Variants in CCDC91 observed in about 807,000 individuals in gnomAD.
CCDC91 encodes coiled-coil domain containing 91.
CCDC91 carries 48 observed loss-of-function variants against 63.2 expected under a neutral mutation model. The ratio of observed to expected loss-of-function variants is 0.76; its 90% confidence interval spans 0.60 to 0.97. The LOEUF is 0.97. Among genes scored for constraint, CCDC91 ranks in the 50% least tolerant of loss-of-function variants. CCDC91 has a pLI of 0.00. For missense variants in CCDC91, 500 were observed against 494.6 expected (o/e 1.01, Z -0.10); for synonymous variants, 167 against 165.8 (o/e 1.01, Z -0.06).
At chr12:28,332,634 G>T (rs1463605200) in intron 6 of CCDC91, among the ~76,000 whole-genome samples, 1 of 152,106 alleles carries the variant, frequency 6.6e-6, no homozygotes, top group African/African-American at 2.4e-5. Context: ...AGTATTAGTG[G>T]TCTTAAAATG....
At chr12:28,281,891 G>A (rs1592193791) in intron 3 of CCDC91, among the ~76,000 whole-genome samples, 1 of 152,110 alleles carries the variant, frequency 6.6e-6, no homozygotes, top group African/African-American at 2.4e-5. Context: ...TGGATTTAAT[G>A]TTAACAGTGC....
intron 6 of CCDC91, among the ~76,000 whole-genome samples, chr12:28,346,343 G>A (rs947679466): frequency 5.3e-5 from 8 of 152,104 alleles, no homozygotes; most frequent in African/African-American, 1.4e-4. Context: ...GTTACAGTTC[G>A]GTTTTGGGTT....
At chr12:28,466,422 A>G (rs1174235492) in intron 11 of CCDC91, among the ~76,000 whole-genome samples, 3 of 152,184 alleles carry the variant, frequency 2.0e-5, no homozygotes, top group African/African-American at 4.8e-5. Context: ...TTAATAATCC[A>G]ATTCCCAAAG....
chr12:28,483,668 A>G (rs1451439582), intron 11 of CCDC91, among the ~76,000 whole-genome samples: 1 of 152,144 alleles, frequency 6.6e-6, no homozygotes, highest in Non-Finnish European at 1.5e-5. Context: ...TTAAACGTGA[A>G]TAAAACAGGT....
chr12:28,190,898 G>A (rs925248609), intron 1 of CCDC91, among the ~76,000 whole-genome samples: 3 of 152,182 alleles, frequency 2.0e-5, no homozygotes, highest in Admixed American at 1.3e-4. Flanking sequence ...GTATCTGCAC[G>A]TCCCAGAATC....
intron 8 of CCDC91, among the ~76,000 whole-genome samples, chr12:28,424,838 A>G (rs768917913): frequency 2.0e-5 from 3 of 151,958 alleles, no homozygotes; most frequent in Non-Finnish European, 4.4e-5. Flanking sequence ...TTAGTCAAAG[A>G]TTTACTCTAT....
intron 1 of CCDC91, among the ~76,000 whole-genome samples, chr12:28,228,342 G>T (rs1238763868): frequency 1.3e-5 from 2 of 152,054 alleles, no homozygotes; most frequent in African/African-American, 2.4e-5. Context: ...TTGTTGCATA[G>T]ATATATTGTG....
At chr12:28,370,349 G>A (rs1592458441) in intron 7 of CCDC91, among the ~76,000 whole-genome samples, 1 of 152,256 alleles carries the variant, frequency 6.6e-6, no homozygotes, top group African/African-American at 2.4e-5. Context: ...TCTAGGGCAG[G>A]GGCAAAATGC....
At chr12:28,423,976 TA>T (rs1948161224) in intron 8 of CCDC91, among the ~76,000 whole-genome samples, 1 of 152,184 alleles carries the variant, frequency 6.6e-6, no homozygotes, top group African/African-American at 2.4e-5. Flanking sequence ...GCACTTGAAA[TA>T]AATTGCATAT....
chr12:28,206,740 C>A (rs1942885103), intron 1 of CCDC91, among the ~76,000 whole-genome samples: 1 of 152,184 alleles, frequency 6.6e-6, no homozygotes, highest in African/African-American at 2.4e-5. Flanking sequence ...TTTAGCATGA[C>A]TTTTACAAGA....
chr12:28,422,076 C>T (rs1294401526), intron 8 of CCDC91, among the ~76,000 whole-genome samples: 1 of 152,086 alleles, frequency 6.6e-6, no homozygotes, highest in Non-Finnish European at 1.5e-5. Context: ...CCTGTACTTG[C>T]ATCAATCACT....
intron 8 of CCDC91, among the ~76,000 whole-genome samples, chr12:28,421,816 C>T (rs1276166893): frequency 6.6e-6 from 1 of 152,092 alleles, no homozygotes; most frequent in African/African-American, 2.4e-5. Flanking sequence ...ATCAGCCAAT[C>T]TCCCCCTTTT....
intron 6 of CCDC91, among the ~76,000 whole-genome samples, chr12:28,341,188 G>T (rs1248541642): frequency 6.6e-6 from 1 of 152,130 alleles, no homozygotes; most frequent in African/African-American, 2.4e-5. Context: ...TTGAAATCCA[G>T]CTGCTTGTGT....
chr12:28,306,638 C>T, intron 4 of CCDC91, 104 bp from the exon 5 acceptor site: 1 of 749,186 alleles, frequency 1.3e-6, no homozygotes, highest in Non-Finnish European at 2.1e-6. Flanking sequence ...ACCTTTTCAA[C>T]AACTTAATTT....
intron 12 of CCDC91, among the ~76,000 whole-genome samples, chr12:28,516,034 A>T (rs934666583): frequency 6.6e-6 from 1 of 151,994 alleles, no homozygotes; most frequent in Non-Finnish European, 1.5e-5. Flanking sequence ...CTGGCATTTT[A>T]AGAAGAGAAT....
At chr12:28,253,616 ACT>A (rs1183360565) in intron 1 of CCDC91, among the ~76,000 whole-genome samples, 1 of 151,748 alleles carries the variant, frequency 6.6e-6, no homozygotes, top group Non-Finnish European at 1.5e-5. Flanking sequence ...TTTTCCAGTG[ACT>A]CATTTTCCTT....
intron 11 of CCDC91, among the ~76,000 whole-genome samples, chr12:28,453,861 C>T (rs1949933844): frequency 6.6e-6 from 1 of 151,966 alleles, no homozygotes; most frequent in African/African-American, 2.4e-5. Context: ...TGTAACCTCA[C>T]ATAGATGTGG....
intron 6 of CCDC91, among the ~76,000 whole-genome samples, chr12:28,358,852 A>G (rs1943689549): frequency 6.6e-6 from 1 of 152,218 alleles, no homozygotes; most frequent in African/African-American, 2.4e-5. Context: ...GCAAATAGCA[A>G]GTATAGCAAG....
chr12:28,516,128 A>G (rs941744839), intron 12 of CCDC91, among the ~76,000 whole-genome samples: 8 of 151,948 alleles, frequency 5.3e-5, no homozygotes, highest in Non-Finnish European at 8.8e-5. Context: ...CAAGTTTAAT[A>G]TAAAAGCCTT....
Sources: gnomAD v4.1 joint callset for allele counts (sites outside exome capture counted in the v4.1 genomes callset) on GRCh38, gnomAD v4.1.1 for gene constraint, MANE v1.5 for transcripts, NCBI Gene and HGNC (gene_info 2026-07-23, HGNC 2026-07-21) for gene names.